The following AKT3 variants were observed in gnomAD, a reference collection of about 807,000 sequenced individuals.
AKT3 encodes RAC-gamma serine/threonine-protein kinase.
In AKT3, 15 loss-of-function variants were observed where a neutral mutation model predicts 65.3. The ratio of observed to expected loss-of-function variants is 0.23; its 90% CI spans 0.15 to 0.35. AKT3 has a LOEUF of 0.35. Ranked by LOEUF, AKT3 falls within the 10% of genes least tolerant of loss-of-function variation. AKT3 has a pLI of 1.00. For missense variants in AKT3, 243 were observed against 576.5 expected (o/e 0.42, Z 5.92); for synonymous variants, 206 against 183.8 (o/e 1.12, Z -0.98).
Position 243,501,861 on chromosome 1 carries a change from T to TA in AKT3, c.*3387dup, listed in dbSNP as rs1669337324. On this transcript the variant is annotated 3_prime_UTR_variant, in exon 14 of 14. Transcript: ENST00000673466. ...GTAAAAATACTAAGGATGTACAGTG[T>TA]ACAAAAACAGTTTCTCCTAGTTATT... 4.3e-6 allele frequency: 1 copy of TA among 232,704 alleles called. No individual in the cohort carries two copies. Among genetic ancestry groups the TA allele is most frequent in the Non-Finnish European group, 8.5e-6 (1 of 117,828 alleles). 14.4% of individuals were successfully genotyped at this position (232,704 alleles called of 1,614,324 possible). A position where few individuals can be genotyped will look rare whatever the true frequency, so the allele number is the denominator to read the frequency against.
chr1:243,563,039 T>TA (rs1169698401), intron 10 of AKT3, among the ~76,000 whole-genome samples: 1 of 152,200 alleles, frequency 6.6e-6, no homozygotes, highest in African/African-American at 2.4e-5. Flanking sequence ...TTATGAAACT[T>TA]AAGACATTAT....
intron 8 of AKT3, among the ~76,000 whole-genome samples, chr1:243,593,158 T>C (rs183084921): frequency 1.3e-5 from 2 of 152,306 alleles, no homozygotes; most frequent in Non-Finnish European, 2.9e-5. Context: ...ACGAGAACAG[T>C]TGTTAACACG....
chr1:243,492,234 G>A (rs560038544), intron 13 of AKT3, among the ~76,000 whole-genome samples: 7 of 151,694 alleles, frequency 4.6e-5, no homozygotes, highest in East Asian at 1.9e-4. Flanking sequence ...CCCGCTCCCC[G>A]GCGCTGTCTG....
rs746652033 is a variant in AKT3, at chr1:243,615,170, GA to G, written c.562-10del. ...GTGTGTGCCACTTCATCCTACAAAAGAAAAAAAGCAAACCTTCAATATATGT... is the reference window on the plus strand; with the variant it reads ...GTGTGTGCCACTTCATCCTACAAAAGAAAAAAGCAAACCTTCAATATATGT... On this transcript the variant is annotated splice_polypyrimidine_tract_variant and intron_variant, in intron 6 of 13. Transcript: ENST00000673466. 3.8e-6 allele frequency: 6 copies of G among 1,596,360 alleles called. No homozygotes were observed. Among genetic ancestry groups the G allele is most frequent in the African/African-American group, 1.3e-5 (1 of 74,340 alleles).
intron 2 of AKT3, among the ~76,000 whole-genome samples, chr1:243,769,378 ACTG>A (rs1690030485): frequency 6.6e-6 from 1 of 152,170 alleles, no homozygotes; most frequent in African/African-American, 2.4e-5. Flanking sequence ...TTTTTGAGGA[ACTG>A]CTGTTTTCCA....
intron 2 of AKT3, among the ~76,000 whole-genome samples, chr1:243,803,230 A>AT (rs1692486061): frequency 6.6e-6 from 1 of 152,130 alleles, no homozygotes; most frequent in South Asian, 2.1e-4. Context: ...ATTCTATGTA[A>AT]TTATCTCAAA....
At chr1:243,609,587 G>C (rs1363079954) in intron 8 of AKT3, among the ~76,000 whole-genome samples, 1 of 152,154 alleles carries the variant, frequency 6.6e-6, no homozygotes, top group African/African-American at 2.4e-5. Context: ...GAGCCCAGGA[G>C]GCAGAAGTTG....
chr1:243,493,656 T>C (rs893918166), intron 13 of AKT3, among the ~76,000 whole-genome samples: 2 of 151,998 alleles, frequency 1.3e-5, no homozygotes, highest in African/African-American at 4.8e-5. Context: ...GACTTGTCAG[T>C]GGTTAATCAG....
intron 4 of AKT3, among the ~76,000 whole-genome samples, chr1:243,659,989 CCT>C (rs1368694357): frequency 6.6e-6 from 1 of 151,958 alleles, no homozygotes; most frequent in Non-Finnish European, 1.5e-5. Flanking sequence ...ATGATGCTGG[CCT>C]CATAAAATGA....
At chr1:243,585,268 A>T (rs1461847223) in intron 8 of AKT3, among the ~76,000 whole-genome samples, 9 of 152,282 alleles carry the variant, frequency 5.9e-5, no homozygotes, top group African/African-American at 2.2e-4. Context: ...TTCCATGCTC[A>T]GGGACTGGAA....
At chr1:243,702,967 T>C (rs1685561642) in intron 2 of AKT3, 1 of 152,140 alleles carries the variant, frequency 6.6e-6, no homozygotes, top group African/African-American at 2.4e-5. Flanking sequence ...CAGTTTTCAG[T>C]AAAAATAAAT....
intron 8 of AKT3, among the ~76,000 whole-genome samples, chr1:243,599,765 T>C (rs1676878528): frequency 6.6e-6 from 1 of 152,142 alleles, no homozygotes; most frequent in Non-Finnish European, 1.5e-5. Flanking sequence ...GCCCTAAAAT[T>C]AGGTATAAAG....
At chr1:243,655,668 G>A (rs1049483115) in intron 4 of AKT3, among the ~76,000 whole-genome samples, 2 of 152,108 alleles carry the variant, frequency 1.3e-5, no homozygotes, top group Non-Finnish European at 2.9e-5. Context: ...ATAATTTATA[G>A]TTATATGTCA....
In AKT3 at chr1:243,803,693, T is replaced by C. The variant is rs74151220; in HGVS notation, c.46+39432A>G. Among the ~76,000 whole-genome samples the C allele has an allele frequency of 5.4e-4, 68 of 125,350 alleles. No individual in the cohort carries two copies. In the East Asian group the frequency reaches 5.7e-3, roughly 10 times the overall value. The allele number at this position is 125,350 out of a possible 152,430, so 82.2% of individuals were successfully genotyped here. ...ACACACACACACACACACACACACA[T>C]AAGACTGAAAGGAAATGTGCCAAAA... On this transcript the variant is annotated intron_variant, in intron 2 of 13. Transcript: ENST00000673466.
In AKT3 at chr1:243,502,030, A is replaced by C. The variant is rs1187860051; in HGVS notation, c.*3219T>G. The C allele has an allele frequency of 8.6e-6, 2 of 232,634 alleles. No individual in the cohort carries two copies. The highest frequency in any genetic ancestry group is 1.2e-4 in the East Asian group (2 of 16,432). The allele number at this position is 232,634 out of a possible 1,614,324, so 14.4% of individuals were successfully genotyped here. On this transcript the variant is annotated 3_prime_UTR_variant, in exon 14 of 14. Transcript: ENST00000673466. ...CTAGATCTTGCGCAGATCTAATGAA[A>C]GAACTAGCAAGGTCAAGAAATGTCA... is the stretch of plus-strand genomic sequence containing the variant.
downstream of AKT3, among the ~76,000 whole-genome samples, chr1:243,496,171 A>G (rs1477072030): frequency 1.3e-5 from 2 of 152,234 alleles, no homozygotes; most frequent in African/African-American, 4.8e-5. Context: ...TAAGGCCCAG[A>G]GAAATGAAGT....
chr1:243,788,254 A>C (rs185900791), intron 2 of AKT3, among the ~76,000 whole-genome samples: 1 of 152,224 alleles, frequency 6.6e-6, no homozygotes, highest in African/African-American at 2.4e-5. Context: ...ATAGGAAAAA[A>C]ACATGCTGAA....
intron 13 of AKT3, among the ~76,000 whole-genome samples, chr1:243,489,958 G>T (rs1052909896): frequency 1.3e-5 from 2 of 152,302 alleles, no homozygotes; most frequent in African/African-American, 4.8e-5. Context: ...ATTTTGCCCC[G>T]TCAAGCAGTT....
At chr1:243,846,970 C>A (rs1695547066) in intron 1 of AKT3, among the ~76,000 whole-genome samples, 1 of 152,160 alleles carries the variant, frequency 6.6e-6, no homozygotes, top group African/African-American at 2.4e-5. Flanking sequence ...GCTTACCAGG[C>A]ATTGGTTAGC....
Sources: gnomAD v4.1 joint callset for allele counts (sites outside exome capture counted in the v4.1 genomes callset) on GRCh38, gnomAD v4.1.1 for gene constraint, MANE v1.5 for transcripts, NCBI Gene and HGNC (gene_info 2026-07-23, HGNC 2026-07-21) for gene names.